Variants in TBL3 observed in about 807,000 individuals in gnomAD.
The protein encoded by TBL3 is transducin beta-like protein 3.
TBL3 carries 71 observed loss-of-function variants against 102.7 expected under a neutral mutation model. The observed-to-expected ratio is 0.69, with a 90% confidence interval of 0.57 to 0.84. The LOEUF (loss-of-function observed/expected upper bound fraction) is 0.84, where lower values mean the gene tolerates loss of function less well. Among genes scored for constraint, TBL3 ranks in the 40% least tolerant of loss-of-function variants. TBL3 has a pLI of 0.00. For synonymous variants in TBL3, 578 were observed against 477.7 expected, an observed-to-expected ratio of 1.21 and a Z score of -2.74; for missense variants, 1,188 against 1,098.5, an observed-to-expected ratio of 1.08 and a Z score of -1.15.
chr16:1,977,904 C>T (rs2083417364), intron 18 of TBL3, 54 bp from the exon 19 acceptor site: 2 of 1,593,224 alleles, frequency 1.3e-6, no homozygotes, highest in Non-Finnish European at 1.7e-6. Context: ...TCCGATGGCT[C>T]TGCCTGCAGC....
At chr16:1,977,902 C>T in intron 18 of TBL3, 56 bp from the exon 19 acceptor site, 1 of 1,593,956 alleles carries the variant, frequency 6.3e-7, no homozygotes, top group Non-Finnish European at 8.6e-7. Flanking sequence ...ACTCCGATGG[C>T]TCTGCCTGCA....
Position 1,979,833 on chromosome 16 carries a change from G to GGC in TBL3, c.*1149_*1150dup, listed in dbSNP as rs531357341. The GGC allele has an allele frequency of 5.1e-6, 8 of 1,573,710 alleles. No homozygotes were observed. The highest frequency in any genetic ancestry group is 6.0e-6 in the Non-Finnish European group (7 of 1,161,360). On this transcript the variant is annotated 3_prime_UTR_variant, in exon 22 of 22. Transcript: ENST00000568546. ...GGCCTCCCTCCCGGCCTTGGCCCGG[G>GGC]GCCGCCTCCTCCAGGTAGGGCGCTG...
chr16:1,980,576 G>A lies in TBL3; in HGVS notation c.*1891G>A, dbSNP rs543601577. On this transcript the variant is annotated 3_prime_UTR_variant, in exon 22 of 22. Transcript: ENST00000568546. The stretch of plus-strand genomic sequence containing the variant: ...GCACCACAAAAACGTACTGTGATAC[G>A]CCGCTTTGGGCTTCACTGGTCCCTG... 2.8e-5 allele frequency: 44 copies of A among 1,594,926 alleles called. No homozygotes were observed. Among genetic ancestry groups the A allele is most frequent in the Non-Finnish European group, 3.5e-5 (41 of 1,169,570 alleles).
rs1465265963 is a variant in TBL3 at position 1,979,670 on chromosome 16, C to T, written c.*985C>T. ...CCGCTCTAAGACCGGTTCGGGGCTT[C>T]CTCTAGGTGCGGAGACCAAGCACGG... On this transcript the variant is annotated 3_prime_UTR_variant, in exon 22 of 22. Coordinates refer to ENST00000568546, the MANE Select transcript of TBL3 (RefSeq NM_006453.3). 2 of 1,177,626 alleles carry T rather than the reference C, an allele frequency of 1.7e-6. No individual in the cohort carries two copies. Among genetic ancestry groups the T allele is most frequent in the Non-Finnish European group, 2.4e-6 (2 of 842,280 alleles). The allele number at this position is 1,177,626 out of a possible 1,614,324, so 72.9% of individuals were successfully genotyped here. A position where few individuals can be genotyped will look rare whatever the true frequency, so the allele number is the denominator to read the frequency against.
chr16:1,978,811 A>C lies in TBL3; in HGVS notation c.*126A>C. ...ACCCTGGCCAACACCCTACCTAGCCAGCCAGAAGGGCACTGGAGCTGATGG... is the reference window on the plus strand; with the variant it reads ...ACCCTGGCCAACACCCTACCTAGCCCGCCAGAAGGGCACTGGAGCTGATGG... On this transcript the variant is annotated 3_prime_UTR_variant, in exon 22 of 22. Transcript: ENST00000568546. The C allele has an allele frequency of 7.6e-7, 1 of 1,316,878 alleles. No homozygotes were observed. Among genetic ancestry groups the C allele is most frequent in the Non-Finnish European group, 1.0e-6 (1 of 961,288 alleles). The allele number at this position is 1,316,878 out of a possible 1,614,324, so 81.6% of individuals were successfully genotyped here.
rs1269708242 is a variant in TBL3 at position 1,979,273 on chromosome 16, C to G, written c.*588C>G. On this transcript the variant is annotated 3_prime_UTR_variant, in exon 22 of 22. Transcript: ENST00000568546. ...GCCGGGTCGTCTCCTCCACGGAACCCCGTCCCGCTCAGGAGAGCGCCCAGC... is the reference window on the plus strand; with the variant it reads ...GCCGGGTCGTCTCCTCCACGGAACCGCGTCCCGCTCAGGAGAGCGCCCAGC... 6.5e-7 allele frequency: 1 copy of G among 1,548,250 alleles called. No individual in the cohort carries two copies. The highest frequency in any genetic ancestry group is 8.7e-7 in the Non-Finnish European group (1 of 1,154,812).
rs1212876186 is a variant in TBL3 at position 1,974,043 on chromosome 16, G to A, written c.42-13G>A. ...GGTGGGTGGTGCTCATTCGCCTCCC[G>A]CTCTCCTTCCAGCTATGCTGTGGAG... On this transcript the variant is annotated splice_polypyrimidine_tract_variant and intron_variant, in intron 1 of 21. Transcript: ENST00000568546. 9 of 1,542,986 alleles carry A rather than the reference G, an allele frequency of 5.8e-6. No homozygotes were observed. The highest frequency in any genetic ancestry group is 2.4e-5 in the South Asian group (2 of 82,160).
chr16:1,975,068 C>T lies in TBL3; in HGVS notation c.605C>T (p.Ala202Val). 1 of 1,609,314 alleles carries T rather than the reference C, an allele frequency of 6.2e-7. No homozygotes were observed. Among genetic ancestry groups the T allele is most frequent in the Non-Finnish European group, 8.5e-7 (1 of 1,179,988 alleles). ...TAHYSAVTSL[A>V]FSADGHTMLS... Reference sequence around the variant, plus strand: ...CACTACAGCGCCGTCACCTCACTGGCCTTCAGCGCCGACGGCCACACCATG... The same window carrying T: ...CACTACAGCGCCGTCACCTCACTGGTCTTCAGCGCCGACGGCCACACCATG... The change falls in exon 7 of 22, where the codon GCC (alanine) becomes GTC (valine). Residue 202 changes from alanine to valine, a missense_variant. Coordinates refer to ENST00000568546, the MANE Select transcript of TBL3 (RefSeq NM_006453.3).
At position 1,977,290 on chromosome 16, in the gene TBL3, T is replaced by C. The variant is rs66471978; in HGVS notation, c.1671+6T>C. 0.087 allele frequency: 139,774 copies of C among 1,613,066 alleles called. 6,763 individuals carry two copies. Among genetic ancestry groups the C allele is most frequent in the African/African-American group, 0.094 (7,078 of 74,992 alleles). On this transcript the variant is annotated splice_donor_region_variant and intron_variant, in intron 15 of 21. Transcript: ENST00000568546. ...AGGACTTCAGCTGTCTCAAGGTAAG[T>C]GGCGCTCCAGACCCTCCCCACTTCC... is the stretch of plus-strand genomic sequence containing the variant.
At chr16:1,978,082 G>T (rs755445840) in intron 19 of TBL3, 21 bp downstream of exon 19, 2 of 1,605,496 alleles carry the variant, frequency 1.2e-6, no homozygotes, top group South Asian at 1.1e-5. Context: ...ACCCCGGGGG[G>T]CGAGGGGCTG....
At position 1,980,216 on chromosome 16, in the gene TBL3, C is replaced by T. The variant is rs2083474191; in HGVS notation, c.*1531C>T. The T allele has an allele frequency of 6.4e-7, 1 of 1,567,882 alleles. No individual in the cohort carries two copies. Among genetic ancestry groups the T allele is most frequent in the Non-Finnish European group, 8.6e-7 (1 of 1,158,656 alleles). ...GCAGCCCGTACGAGTGAGAGGTAGG[C>T]GGATGGGGAGGGTGAAACTGGGGGC... is the stretch of plus-strand genomic sequence containing the variant. On this transcript the variant is annotated 3_prime_UTR_variant, in exon 22 of 22. Coordinates refer to ENST00000568546, the MANE Select transcript of TBL3 (RefSeq NM_006453.3).
chr16:1,979,572 C>T lies in TBL3; in HGVS notation c.*887C>T, dbSNP rs1396965218. 1.9e-6 allele frequency: 3 copies of T among 1,567,134 alleles called. No individual in the cohort carries two copies. The highest frequency in any genetic ancestry group is 2.6e-6 in the Non-Finnish European group (3 of 1,144,448). ...TGGGAGTGGGTGTTTGGAGTCACCG[C>T]GGGGCCACAGAGGACGAGGCCCGCC... On this transcript the variant is annotated 3_prime_UTR_variant, in exon 22 of 22. Transcript: ENST00000568546.
At position 1,977,563 on chromosome 16, in the gene TBL3, G is replaced by T; in HGVS notation, c.1792G>T (p.Val598Leu). 6.3e-7 allele frequency: 1 copy of T among 1,592,502 alleles called. No homozygotes were observed. The highest frequency in any genetic ancestry group is 8.6e-7 in the Non-Finnish European group (1 of 1,168,816). Residue 598 changes from valine (V) to leucine (L), a missense_variant, in exon 17 of 22, where the codon GTG (valine) becomes TTG (leucine). Physicochemically the swap from Val to Leu is conservative, Grantham distance 32. Transcript: ENST00000568546. The part of the protein sequence containing the change: ...KLWTIKNNEC[V>L]RTLDAHEDKV... ...CTGGACCATCAAGAACAACGAGTGT[G>T]TGCGGACGCTGGATGCCCACGAGGA...
In TBL3 at chr16:1,976,326, G is replaced by A. The variant is rs558747663; in HGVS notation, c.1292+12G>A. Reference sequence around the variant, plus strand: ...GTCTGCTGCTCTAGGTAGTGAGTCGGGGCTGGGCCCAGGGGTGTCAGGGAG... The same window carrying A: ...GTCTGCTGCTCTAGGTAGTGAGTCGAGGCTGGGCCCAGGGGTGTCAGGGAG... On this transcript the variant is annotated intron_variant, in intron 13 of 21. Transcript: ENST00000568546. 1 of 1,609,236 alleles carries A rather than the reference G, an allele frequency of 6.2e-7. No individual in the cohort carries two copies. Among genetic ancestry groups the A allele is most frequent in the East Asian group, 2.2e-5 (1 of 44,606 alleles).
Position 1,979,949 on chromosome 16 carries a change from G to A in TBL3, c.*1264G>A, listed in dbSNP as rs375617598. 2.5e-6 allele frequency: 4 copies of A among 1,578,748 alleles called. No individual in the cohort carries two copies. Among genetic ancestry groups the A allele is most frequent in the Admixed American group, 3.6e-5 (2 of 55,020 alleles). ...GGGACTCAAATCTCGAGGCTCCCTC[G>A]GGTCCAGGAGCAGAGGAGCAAATCC... On this transcript the variant is annotated 3_prime_UTR_variant, in exon 22 of 22. Coordinates refer to ENST00000568546, the MANE Select transcript of TBL3 (RefSeq NM_006453.3).
Position 1,977,779 on chromosome 16 carries a change from G to A in TBL3, c.1937G>A (p.Arg646Lys), listed in dbSNP as rs1313417825. ...TEAEQAEEQA[R>K]QEEQVVRQQE... ...GCGGAGCAGGCAGAGGAGCAGGCCAGGCAAGAGGAGCAGGTGGTCAGGTAA... is the reference window on the plus strand; with the variant it reads ...GCGGAGCAGGCAGAGGAGCAGGCCAAGCAAGAGGAGCAGGTGGTCAGGTAA... The change falls in exon 18 of 22, where the codon AGG becomes AAG. Residue 646 changes from arginine to lysine, a missense_variant. Coordinates refer to ENST00000568546, the MANE Select transcript of TBL3 (RefSeq NM_006453.3). The A allele has an allele frequency of 2.6e-6, 4 of 1,556,152 alleles. No homozygotes were observed. The highest frequency in any genetic ancestry group is 3.5e-6 in the Non-Finnish European group (4 of 1,149,494).
Position 1,974,291 on chromosome 16 carries a change from A to AGGTGAGGGCAGCCTGGGTG in TBL3, c.189+8_189+26dup. 6.3e-7 allele frequency: 1 copy of AGGTGAGGGCAGCCTGGGTG among 1,589,094 alleles called. No individual in the cohort carries two copies. The highest frequency in any genetic ancestry group is 8.6e-7 in the Non-Finnish European group (1 of 1,165,628). On this transcript the variant is annotated frameshift_variant and splice_region_variant, in exon 3 of 22. Transcript: ENST00000568546. LOFTEE classifies it high-confidence loss of function. ...GGGGCCGTGCTGCGGAGTCTGGAGC[A>AGGTGAGGGCAGCCTGGGTG]GGTGAGGGCAGCCTGGGTGGGTGAG...
rs147673860 is a variant in TBL3, at chr16:1,975,641, G to A, written c.918G>A (p.Val306=). Reference sequence around the variant, plus strand: ...GCACCCTGGCACACACCGCCGGCGTGGTCCTCACCGCCACCGCCGACCACA... The same window carrying A: ...GCACCCTGGCACACACCGCCGGCGTAGTCCTCACCGCCACCGCCGACCACA... ...THCTLAHTAG[V]VLTATADHNL... Residue 306 remains valine, a synonymous_variant, in exon 10 of 22, where the codon GTG becomes GTA. Coordinates refer to ENST00000568546, the MANE Select transcript of TBL3 (RefSeq NM_006453.3). 65 of 1,605,458 alleles carry A rather than the reference G, an allele frequency of 4.0e-5. No homozygotes were observed. In the Middle Eastern group the frequency reaches 4.9e-4, roughly 12 times the overall value.
rs779842632 is a variant in TBL3 at position 1,979,990 on chromosome 16, G to C, written c.*1305G>C. On this transcript the variant is annotated 3_prime_UTR_variant, in exon 22 of 22. Transcript: ENST00000568546. ...GAGCAAATCCCTGGGTTCTTGGGGG[G>C]CCCTACCTGAGGGGTGCCGCAGCAG... 8 of 1,598,226 alleles carry C rather than the reference G, an allele frequency of 5.0e-6. No homozygotes were observed. Among genetic ancestry groups the C allele is most frequent in the Non-Finnish European group, 6.8e-6 (8 of 1,173,698 alleles).
Sources: allele counts gnomAD v4.1 joint callset, GRCh38; gene constraint gnomAD v4.1.1; transcripts MANE v1.5; gene names NCBI Gene and HGNC (gene_info 2026-07-23, HGNC 2026-07-21).